NLGN4X: variants seen among roughly 807,000 people sequenced by gnomAD.
NLGN4X encodes the protein neuroligin 4 X-linked.
A neutral mutation model predicts 40.3 loss-of-function variants in NLGN4X; 3 were observed. The ratio of observed to expected loss-of-function variants is 0.07; its 90% CI spans 0.03 to 0.19. The LOEUF (loss-of-function observed/expected upper bound fraction) is 0.19, where lower values mean the gene tolerates loss of function less well. NLGN4X is among the 10% of genes least tolerant of loss of function. The probability of loss-of-function intolerance (pLI) is 1.00; values close to 1 mark genes in which losing one functional copy is unlikely to be tolerated. For missense variants in NLGN4X, 382 were observed against 708.3 expected (o/e 0.54, Z 5.23); for synonymous variants, 270 against 306.8 (o/e 0.88, Z 1.25).
intron 2 of NLGN4X, among the ~76,000 whole-genome samples, chrX:6,085,946 T>C (rs1465171696): frequency 1.8e-5 from 2 of 112,381 alleles, no homozygotes; most frequent in African/African-American, 3.2e-5. Context: ...GGGTTAACGA[T>C]AGGCAAAGCT....
chrX:6,043,568 G>C (rs746073840), intron 2 of NLGN4X, among the ~76,000 whole-genome samples: 2 of 111,640 alleles, frequency 1.8e-5, no homozygotes, highest in Non-Finnish European at 3.8e-5. Flanking sequence ...CAAGGATTCT[G>C]AAGGGCTGGC....
intron 1 of NLGN4X, among the ~76,000 whole-genome samples, chrX:6,223,182 T>C (rs765565952): frequency 8.1e-5 from 9 of 111,055 alleles, no homozygotes; most frequent in African/African-American, 2.9e-4. Context: ...TAGTTTTTTA[T>C]ATACGTATTT....
chrX:6,090,618 T>C (rs182408839), intron 2 of NLGN4X, among the ~76,000 whole-genome samples: 69 of 112,243 alleles, frequency 6.1e-4, no homozygotes, highest in African/African-American at 2.1e-3. Context: ...CTAGAAATCT[T>C]GTAAAAACAC....
intron 3 of NLGN4X, among the ~76,000 whole-genome samples, chrX:5,942,592 T>C (rs989917554): frequency 3.7e-5 from 4 of 108,762 alleles, no homozygotes; most frequent in South Asian, 4.0e-4. Flanking sequence ...GAGGCAGAGG[T>C]TGCATTGGGC....
chrX:6,085,882 T>C (rs1018377471), intron 2 of NLGN4X, among the ~76,000 whole-genome samples: 2 of 112,129 alleles, frequency 1.8e-5, no homozygotes, highest in Non-Finnish European at 3.8e-5. Flanking sequence ...CTGATTCTGT[T>C]CCCTTTCTGC....
At chrX:6,096,501 T>A (rs2038780827) in intron 2 of NLGN4X, among the ~76,000 whole-genome samples, 1 of 111,648 alleles carries the variant, frequency 9.0e-6, no homozygotes, top group Admixed American at 9.5e-5. Flanking sequence ...TGGTACAACA[T>A]CTCCCAGCAC....
In NLGN4X at chrX:6,037,066, A is replaced by G. The variant is rs149558751; in HGVS notation, c.473-7634T>C. 2.8e-3 allele frequency among the ~76,000 whole-genome samples: 307 copies of G among 111,067 alleles called. 1 individual carries two copies. The highest frequency in any genetic ancestry group is 9.7e-3 in the African/African-American group (298 of 30,600). ...GGTGGCTCATGCCTGTAATCCCAAC[A>G]CTTTGGGACGTCGAGGTGGGCGGAG... On this transcript the variant is annotated intron_variant, in intron 2 of 5. Coordinates refer to ENST00000381095, the MANE Select transcript of NLGN4X (RefSeq NM_181332.3).
intron 3 of NLGN4X, among the ~76,000 whole-genome samples, chrX:5,924,386 T>C (rs115202520): frequency 0.028 from 3,139 of 111,445 alleles, 115 homozygotes; most frequent in African/African-American, 0.097. Context: ...ACCTCTCTAA[T>C]TGACCACATT....
At chrX:6,037,631 T>G (rs1214278660) in intron 2 of NLGN4X, among the ~76,000 whole-genome samples, 1 of 110,809 alleles carries the variant, frequency 9.0e-6, no homozygotes, top group Non-Finnish European at 1.9e-5. Context: ...GTTCATAGTT[T>G]ACTGCATATT....
At chrX:6,225,316 T>C (rs926620802) in intron 1 of NLGN4X, among the ~76,000 whole-genome samples, 9 of 108,864 alleles carry the variant, frequency 8.3e-5, no homozygotes, top group African/African-American at 3.0e-4. Flanking sequence ...TTTAATGGAT[T>C]ACTGCTAACA....
intron 3 of NLGN4X, among the ~76,000 whole-genome samples, chrX:6,003,120 G>C (rs1270228944): frequency 9.0e-6 from 1 of 111,724 alleles, no homozygotes; most frequent in Non-Finnish European, 1.9e-5. Flanking sequence ...GTGTATACAG[G>C]AGGATATCTT....
intron 2 of NLGN4X, among the ~76,000 whole-genome samples, chrX:6,101,841 G>A (rs1179386220): frequency 4.9e-5 from 5 of 103,044 alleles, no homozygotes; most frequent in South Asian, 8.7e-4. Context: ...ACTGAGTCTC[G>A]CTCTGTCGCC....
At position 5,974,806 on chromosome X, in the gene NLGN4X, T is replaced by G. The variant is rs1355246719; in HGVS notation, c.625+54474A>C. ...CTATGATAAAGCTTAATTTATCAAT[T>G]AGTCACAGGAAATTAACAATAATAG... is the stretch of plus-strand genomic sequence containing the variant. On this transcript the variant is annotated intron_variant, in intron 3 of 5. Coordinates refer to ENST00000381095, the MANE Select transcript of NLGN4X (RefSeq NM_181332.3). Among the ~76,000 whole-genome samples the G allele has an allele frequency of 2.7e-5, 3 of 112,307 alleles. No individual in the cohort carries two copies. The East Asian group carries it at 8.4e-4, about 31-fold the overall frequency.
intron 3 of NLGN4X, among the ~76,000 whole-genome samples, chrX:5,975,810 T>C (rs1194169767): frequency 1.8e-5 from 2 of 110,614 alleles, no homozygotes; most frequent in East Asian, 5.6e-4. Context: ...GAGATAATGT[T>C]GGTTATATGT....
At chrX:6,176,757 C>T (rs886369231) in intron 1 of NLGN4X, among the ~76,000 whole-genome samples, 3 of 111,835 alleles carry the variant, frequency 2.7e-5, no homozygotes, top group Non-Finnish European at 3.8e-5. Flanking sequence ...CCAAAAAGAA[C>T]GGTGTCCTGA....
intron 3 of NLGN4X, among the ~76,000 whole-genome samples, chrX:5,989,040 C>G (rs1416856616): frequency 9.3e-6 from 1 of 107,270 alleles, no homozygotes; most frequent in African/African-American, 3.4e-5. Flanking sequence ...TGCACTCCAG[C>G]TTGGGCGACA....
At chrX:5,985,308 G>A (rs1308702179) in intron 3 of NLGN4X, among the ~76,000 whole-genome samples, 1 of 111,550 alleles carries the variant, frequency 9.0e-6, no homozygotes, top group Non-Finnish European at 1.9e-5. Flanking sequence ...CATCCAGGTT[G>A]CAGTGCAGTG....
In NLGN4X at chrX:5,900,560, C is replaced by CTTTTT. The variant is rs1163973694; in HGVS notation, c.1601+2512_1601+2516dup. Among the ~76,000 whole-genome samples the CTTTTT allele has an allele frequency of 1.8e-4, 8 of 45,585 alleles. 3 individuals carry two copies. The highest frequency in any genetic ancestry group is 2.5e-4 in the African/African-American group (3 of 11,778). 39.6% of individuals were successfully genotyped at this position (45,585 alleles called of 115,157 possible). ...GTTATAAGACACACCGTTTTTGGTG[C>CTTTTT]TTTTTTTTTTTTTTTTTTTTTTTTT... On this transcript the variant is annotated intron_variant, in intron 5 of 5. Transcript: ENST00000381095.
chrX:6,168,491 T>C (rs1160712993), intron 1 of NLGN4X, among the ~76,000 whole-genome samples: 3 of 112,520 alleles, frequency 2.7e-5, no homozygotes, highest in Non-Finnish European at 5.6e-5. Context: ...GGAGGACATA[T>C]ACTAATTCTC....
Sources: allele counts gnomAD v4.1 joint callset (sites outside exome capture counted in the v4.1 genomes callset), GRCh38; gene constraint gnomAD v4.1.1; transcripts MANE v1.5; gene names NCBI Gene and HGNC (gene_info 2026-07-23, HGNC 2026-07-21).